EP400: variants seen among roughly 807,000 people sequenced by gnomAD.
EP400 encodes E1A-binding protein p400.
Under a neutral mutation model 354.1 loss-of-function variants are expected in EP400, and 105 were observed. That is an observed-to-expected ratio of 0.30 (90% CI 0.25 to 0.35). The LOEUF is 0.35. Ranked by LOEUF, EP400 falls within the 10% of genes least tolerant of loss-of-function variation. The probability of loss-of-function intolerance (pLI) is 1.00; values close to 1 mark genes in which losing one functional copy is unlikely to be tolerated. For missense variants in EP400, 3,280 were observed against 4,121.0 expected (o/e 0.80, Z 5.59); for synonymous variants, 1,646 against 1,716.9 (o/e 0.96, Z 1.02).
chr12:131,981,485 C>A lies in EP400; in HGVS notation c.1436-4C>A. On this transcript the variant is annotated splice_polypyrimidine_tract_variant and splice_region_variant and intron_variant, in intron 3 of 52. Coordinates refer to ENST00000389561, the MANE Select transcript of EP400 (RefSeq NM_015409.5). ...AACTGCACCTTTTTTGAAAATTATT[C>A]TAGAGCAGTCTAAGAGGCCTCGCCT... The A allele has an allele frequency of 6.4e-7, 1 of 1,558,426 alleles. No individual in the cohort carries two copies. Among genetic ancestry groups the A allele is most frequent in the East Asian group, 2.4e-5 (1 of 42,430 alleles).
At position 132,044,727 on chromosome 12, in the gene EP400, C is replaced by T. The variant is rs536048959; in HGVS notation, c.6630+12C>T. 5.7e-5 allele frequency: 92 copies of T among 1,614,154 alleles called. No individual in the cohort carries two copies. The South Asian group carries it at 6.4e-4, about 11-fold the overall frequency. ...CAGAAGTCATGCCGGTGAGTGCTGC[C>T]CTCTCCCTTTGTGTCTGTGTGGGCA... On this transcript the variant is annotated intron_variant, in intron 36 of 52. Coordinates refer to ENST00000389561, the MANE Select transcript of EP400 (RefSeq NM_015409.5).
intron 12 of EP400, among the ~76,000 whole-genome samples, chr12:131,997,937 A>G (rs1161650403): frequency 6.6e-6 from 1 of 152,230 alleles, no homozygotes; most frequent in Non-Finnish European, 1.5e-5. Flanking sequence ...CTTGTTCACA[A>G]AGATATATCA....
Position 131,990,056 on chromosome 12 carries a change from C to T in EP400, c.2502C>T (p.Ala834=), listed in dbSNP as rs373514485. 1.6e-5 allele frequency: 26 copies of T among 1,612,924 alleles called. No homozygotes were observed. The highest frequency in any genetic ancestry group is 1.5e-4 in the African/African-American group (11 of 74,834). Residue 834 remains alanine (A), a synonymous_variant, in exon 8 of 53, where the codon GCC becomes GCT. Coordinates refer to ENST00000389561, the MANE Select transcript of EP400 (RefSeq NM_015409.5). The surrounding 1 kb of genome is among the most constrained non-coding windows in gnomAD (Gnocchi z 4.2). ...KEEQSRLRRI[A]ASTAREIECF... is the part of the protein sequence containing the mutation. ...AGCAGAGCAGACTGAGGCGGATAGC[C>T]GCCTCCACGGCCCGGGAGATAGAGT...
chr12:132,024,782 C>T (rs1349869283), intron 24 of EP400, among the ~76,000 whole-genome samples: 1 of 151,052 alleles, frequency 6.6e-6, no homozygotes, highest in Admixed American at 6.6e-5. Context: ...TCCTCGACAG[C>T]AGCCTCAGCG....
intron 32 of EP400, among the ~76,000 whole-genome samples, chr12:132,039,872 C>G (rs969150522): frequency 3.3e-5 from 5 of 152,196 alleles, no homozygotes; most frequent in Non-Finnish European, 5.9e-5. Flanking sequence ...GACCCCATCT[C>G]TACAAGAAGA....
In EP400 at chr12:131,961,773, A is replaced by G. The variant is rs532619966; in HGVS notation, c.1154A>G (p.Glu385Gly). 1.5e-5 allele frequency: 25 copies of G among 1,614,250 alleles called. No individual in the cohort carries two copies. Among genetic ancestry groups the G allele is most frequent in the Non-Finnish European group, 2.0e-5 (24 of 1,180,044 alleles). ...EMQALKEVFK[E>G]YLIELFFLQH... ...CAGGCTCTGAAGGAGGTCTTCAAGG[A>G]GTATTTGATTGAACTGTTTTTCTTG... Residue 385 changes from glutamate to glycine, a missense_variant, in exon 2 of 53, where the codon GAG (glutamate) becomes GGG (glycine). By Grantham distance (98) the Glu-to-Gly change is moderately conservative. Transcript: ENST00000389561.
In EP400 at chr12:132,067,250, G is replaced by C. The variant is rs1895921446; in HGVS notation, c.8750-112G>C. The C allele has an allele frequency of 2.1e-6, 3 of 1,461,312 alleles. No individual in the cohort carries two copies. The highest frequency in any genetic ancestry group is 1.8e-6 in the Non-Finnish European group (2 of 1,083,196). The allele number at this position is 1,461,312 out of a possible 1,614,324, so 90.5% of individuals were successfully genotyped here. A position where few individuals can be genotyped will look rare whatever the true frequency, so the allele number is the denominator to read the frequency against. On this transcript the variant is annotated intron_variant, in intron 49 of 52. Transcript: ENST00000389561. This position sits in a 1 kb window ranked among gnomAD's most constrained non-coding sequence, Gnocchi z 5.3. Reference sequence around the variant, plus strand: ...AAGGGATGGCTTACTTGTCTCCATAGAGTTTCATAGTTTGTTATTTTCTGT... The same window carrying C: ...AAGGGATGGCTTACTTGTCTCCATACAGTTTCATAGTTTGTTATTTTCTGT...
intron 12 of EP400, among the ~76,000 whole-genome samples, chr12:132,002,538 G>A (rs1893450766): frequency 1.3e-5 from 2 of 152,214 alleles, no homozygotes; most frequent in South Asian, 4.1e-4. Context: ...TTTTCAGAAG[G>A]CTTGATGTAG....
At chr12:131,956,000 A>G (rs1419086997) in intron 1 of EP400, among the ~76,000 whole-genome samples, 1 of 152,122 alleles carries the variant, frequency 6.6e-6, no homozygotes, top group African/African-American at 2.4e-5. Context: ...TCACAAATCA[A>G]GCTGTAGCTA....
At position 132,070,782 on chromosome 12, in the gene EP400, TGTTA is replaced by T. The variant is rs1226696133; in HGVS notation, c.9021+1145_9021+1148del. ...TATTTTGTGAAAGTGTTATAGATTATGTTAGTTTTATTCTTAAGCAATCAGTATT... is the reference window on the plus strand; with the variant it reads ...TATTTTGTGAAAGTGTTATAGATTATGTTTTATTCTTAAGCAATCAGTATT... On this transcript the variant is annotated intron_variant, in intron 51 of 52. Transcript: ENST00000389561. This position sits in a 1 kb window ranked among gnomAD's most constrained non-coding sequence, Gnocchi z 4.1. Among the ~76,000 whole-genome samples the T allele has an allele frequency of 2.0e-5, 3 of 152,264 alleles. No homozygotes were observed. Among genetic ancestry groups the T allele is most frequent in the Non-Finnish European group, 2.9e-5 (2 of 68,044 alleles).
rs1895332272 is a variant in EP400 at position 132,052,540 on chromosome 12, T to C, written c.7395-606T>C. ...AGCCCCGCCCTGCTGTTTTCCTCCA[T>C]AGCAGCCAGTACGTCTTCAGACCCA... On this transcript the variant is annotated intron_variant, in intron 41 of 52. Transcript: ENST00000389561. This position sits in a 1 kb window ranked among gnomAD's most constrained non-coding sequence, Gnocchi z 4.4. Among the ~76,000 whole-genome samples the C allele has an allele frequency of 3.3e-5, 5 of 152,236 alleles. No homozygotes were observed. The South Asian group carries it at 1.0e-3, about 32-fold the overall frequency.
Position 132,027,922 on chromosome 12 carries a change from A to G in EP400, c.5110-95A>G. 2 of 1,332,260 alleles carry G rather than the reference A, an allele frequency of 1.5e-6. No individual in the cohort carries two copies. The highest frequency in any genetic ancestry group is 2.1e-6 in the Non-Finnish European group (2 of 956,692). 82.5% of individuals were successfully genotyped at this position (1,332,260 alleles called of 1,614,324 possible). A position where few individuals can be genotyped will look rare whatever the true frequency, so the allele number is the denominator to read the frequency against. ...CCGGGGATATTGAAGTGGATCTCAT[A>G]TGTGGGAAATCACGGGCTGGGTGGG... On this transcript the variant is annotated intron_variant, in intron 26 of 52. Coordinates refer to ENST00000389561, the MANE Select transcript of EP400 (RefSeq NM_015409.5). The surrounding 1 kb of genome is among the most constrained non-coding windows in gnomAD (Gnocchi z 4.9).
chr12:132,080,029 A>G lies in EP400; in HGVS notation c.*2356A>G, dbSNP rs958325537. ...CCCTTGTGAATCTGGGTTCATTCCAATACGGCAAGTAAGAGTTGGAAACTT... is the reference window on the plus strand; with the variant it reads ...CCCTTGTGAATCTGGGTTCATTCCAGTACGGCAAGTAAGAGTTGGAAACTT... On this transcript the variant is annotated 3_prime_UTR_variant, in exon 53 of 53. Transcript: ENST00000389561. 2.0e-5 allele frequency: 3 copies of G among 152,264 alleles called. No individual in the cohort carries two copies. The highest frequency in any genetic ancestry group is 2.0e-4 in the Admixed American group (3 of 15,286). The allele number at this position is 152,264 out of a possible 1,614,324, so 9.4% of individuals were successfully genotyped here.
At position 132,038,300 on chromosome 12, in the gene EP400, C is replaced by T. The variant is rs918428090; in HGVS notation, c.6207+204C>T. Among the ~76,000 whole-genome samples the T allele has an allele frequency of 1.3e-5, 2 of 152,196 alleles. No individual in the cohort carries two copies. Among genetic ancestry groups the T allele is most frequent in the Admixed American group, 6.5e-5 (1 of 15,288 alleles). On this transcript the variant is annotated intron_variant, in intron 32 of 52. Transcript: ENST00000389561. The surrounding 1 kb of genome is among the most constrained non-coding windows in gnomAD (Gnocchi z 4.2). ...TAAATACAAGTGAGGGGAATGGTGG[C>T]GAAGGTCGCGGACCACAGGCCTGTC... is the stretch of plus-strand genomic sequence containing the variant.
At position 132,079,253 on chromosome 12, in the gene EP400, G is replaced by A. The variant is rs1258503732; in HGVS notation, c.*1580G>A. 2 of 152,228 alleles carry A rather than the reference G, an allele frequency of 1.3e-5. No homozygotes were observed. The highest frequency in any genetic ancestry group is 2.9e-5 in the Non-Finnish European group (2 of 68,028). 9.4% of individuals were successfully genotyped at this position (152,228 alleles called of 1,614,324 possible). On this transcript the variant is annotated 3_prime_UTR_variant, in exon 53 of 53. Transcript: ENST00000389561. ...CTCTTGATAAGAAATGTGGAGAAAA[G>A]TAAAAACCAAGCTTTGAAGAAACAG... is the stretch of plus-strand genomic sequence containing the variant.
chr12:132,041,723 G>C (rs1425168103), intron 32 of EP400, among the ~76,000 whole-genome samples: 2 of 152,184 alleles, frequency 1.3e-5, no homozygotes, highest in Non-Finnish European at 2.9e-5. Context: ...TCCTGCCATG[G>C]GGTTGTTCTG....
At chr12:132,064,031 C>CA (rs959102540) in intron 47 of EP400, among the ~76,000 whole-genome samples, 3 of 148,978 alleles carry the variant, frequency 2.0e-5, no homozygotes, top group Non-Finnish European at 4.5e-5. Context: ...ATGACCCCCC[C>CA]CCGGCCCACA....
In EP400 at chr12:132,055,751, G is replaced by GGTGTGT. The variant is rs561084873; in HGVS notation, c.7884+545_7884+546insGTGTGT. 1.5e-4 allele frequency among the ~76,000 whole-genome samples: 23 copies of GGTGTGT among 149,212 alleles called. No homozygotes were observed. The East Asian group carries it at 2.4e-3, about 15-fold the overall frequency. On this transcript the variant is annotated intron_variant, in intron 45 of 52. Transcript: ENST00000389561. Reference sequence around the variant, plus strand: ...GGGGTGTGTGTGTGAAGTGTAGGAGGGTATGTGTGTGTGTGTGTGTGAACT... The same window carrying GGTGTGT: ...GGGGTGTGTGTGTGAAGTGTAGGAGGGTGTGTGTATGTGTGTGTGTGTGTGTGAACT...
chr12:131,986,332 G>A (rs1202426741), intron 5 of EP400, among the ~76,000 whole-genome samples, 182 bp from the exon 6 acceptor site: 1 of 152,238 alleles, frequency 6.6e-6, no homozygotes, highest in African/African-American at 2.4e-5. Context: ...GTGGGAGGAT[G>A]TATTATTTGT....
Sources: gnomAD v4.1 joint callset for allele counts (sites outside exome capture counted in the v4.1 genomes callset) on GRCh38, gnomAD v4.1.1 for gene constraint, Gnocchi (gnomAD v3.1) non-coding constraint, MANE v1.5 for transcripts, NCBI Gene and HGNC (gene_info 2026-07-23, HGNC 2026-07-21) for gene names.